Variants in P3H2 observed in about 807,000 individuals in gnomAD.
P3H2 encodes the protein leprecan-like 1.
In P3H2, 80 loss-of-function variants were observed where a neutral mutation model predicts 87.0. That is an observed-to-expected ratio of 0.92 (90% CI 0.77 to 1.11). The LOEUF is 1.11. Ranked by LOEUF, P3H2 falls within the 50% of genes least tolerant of loss-of-function variation. The pLI is 0.00. For missense variants in P3H2, 1,001 were observed against 923.9 expected, an observed-to-expected ratio of 1.08 and a Z score of -1.08; for synonymous variants, 367 against 359.3, an observed-to-expected ratio of 1.02 and a Z score of -0.24.
chr3:190,028,588 TG>T (rs1725155029), intron 1 of P3H2, among the ~76,000 whole-genome samples: 1 of 152,198 alleles, frequency 6.6e-6, no homozygotes, highest in Admixed American at 6.5e-5. Flanking sequence ...ACAAGTGCCA[TG>T]GTTTAATCTT....
rs1727249599 is a variant in P3H2, at chr3:190,087,315, T to C, written c.480+32937A>G. 2.0e-5 allele frequency among the ~76,000 whole-genome samples: 3 copies of C among 151,778 alleles called. No homozygotes were observed. In the South Asian group the frequency reaches 6.2e-4, roughly 32 times the overall value. On this transcript the variant is annotated intron_variant, in intron 1 of 14. Transcript: ENST00000319332. The stretch of plus-strand genomic sequence containing the variant: ...ACTTTGGGAGGCCGAGGAGGGCAAA[T>C]CACAAGGTCAGGAGATCGAGACCAT...
chr3:190,034,319 T>C (rs914950994), intron 1 of P3H2, among the ~76,000 whole-genome samples: 2 of 152,212 alleles, frequency 1.3e-5, no homozygotes, highest in South Asian at 2.1e-4. Flanking sequence ...GTGGTAGTAC[T>C]TTCTCTAGGC....
At chr3:190,067,185 T>C (rs1726540219) in intron 1 of P3H2, among the ~76,000 whole-genome samples, 1 of 151,954 alleles carries the variant, frequency 6.6e-6, no homozygotes, top group South Asian at 2.1e-4. Context: ...TTTTTGTAGA[T>C]GTCTCTACTA....
At chr3:190,111,303 C>T (rs574914131) in intron 1 of P3H2, among the ~76,000 whole-genome samples, 14 of 119,330 alleles carry the variant, frequency 1.2e-4, no homozygotes, top group Non-Finnish European at 2.0e-4. Context: ...GTGTTTTCAC[C>T]GGGGCCTTAC....
In P3H2 at chr3:189,967,778, C is replaced by T. The variant is rs151282267; in HGVS notation, c.1893+3038G>A. 7.9e-3 allele frequency among the ~76,000 whole-genome samples: 1,198 copies of T among 152,134 alleles called. 11 individuals are homozygous for T. Among genetic ancestry groups the T allele is most frequent in the Middle Eastern group, 0.027 (8 of 292 alleles). ...TATGAAGTCACATGAAATATTTTTT[C>T]TTAGTTATTACAATGTTTCTAGACA... On this transcript the variant is annotated intron_variant, in intron 13 of 14. Transcript: ENST00000319332.
chr3:190,120,589 T>C lies in P3H2; in HGVS notation c.143A>G (p.Tyr48Cys). ...GTAGTAGGCGGCCGCGCCGCTGGCG[T>C]AGAGCAGGTCGAAGGGCTGCAGAGG... is the stretch of plus-strand genomic sequence containing the variant. Reference protein sequence around the residue: ...PGPLQPFDLLYASGAAAYYSG... With the variant: ...PGPLQPFDLLCASGAAAYYSG... The change falls in exon 1 of 15, where the codon TAC becomes TGC. Residue 48 changes from tyrosine (Y) to cysteine (C), a missense_variant. By Grantham distance (194) the Tyr-to-Cys change is radical (BLOSUM62 -2). Transcript: ENST00000319332. 1 of 1,546,468 alleles carries C rather than the reference T, an allele frequency of 6.5e-7. No individual in the cohort carries two copies. The highest frequency in any genetic ancestry group is 1.2e-5 in the South Asian group (1 of 84,342).
intron 13 of P3H2, among the ~76,000 whole-genome samples, chr3:189,966,419 A>C (rs1723010033): frequency 6.6e-6 from 1 of 152,230 alleles, no homozygotes; most frequent in Non-Finnish European, 1.5e-5. Flanking sequence ...AACTTTGGGA[A>C]AGTTTAGGAA....
chr3:190,073,248 G>GT (rs997367873), intron 1 of P3H2, among the ~76,000 whole-genome samples: 1 of 152,154 alleles, frequency 6.6e-6, no homozygotes, highest in Non-Finnish European at 1.5e-5. Context: ...AAGATTACAA[G>GT]TAACTCCAGC....
chr3:189,979,241 C>G (rs538918038), intron 8 of P3H2, among the ~76,000 whole-genome samples: 2 of 149,762 alleles, frequency 1.3e-5, no homozygotes, highest in Admixed American at 1.4e-4. Flanking sequence ...CTGGGCAACA[C>G]AGTGAAACCC....
chr3:190,041,144 C>T (rs1299612556), intron 1 of P3H2, among the ~76,000 whole-genome samples: 1 of 141,314 alleles, frequency 7.1e-6, no homozygotes, highest in Non-Finnish European at 1.5e-5. Context: ...TGGTGGTGCA[C>T]ACCTGTAGCC....
At chr3:189,979,534 T>A in intron 8 of P3H2, among the ~76,000 whole-genome samples, 1 of 152,104 alleles carries the variant, frequency 6.6e-6, no homozygotes, top group East Asian at 1.9e-4. Context: ...AGTCACTAGA[T>A]CTTCATCACT....
At chr3:190,116,261 T>A (rs144985886) in intron 1 of P3H2, among the ~76,000 whole-genome samples, 169 of 152,330 alleles carry the variant, frequency 1.1e-3, no homozygotes, top group African/African-American at 3.9e-3. Context: ...AGGTCTACTA[T>A]TTTAACTAAT....
At position 189,973,508 on chromosome 3, in the gene P3H2, TTTC is replaced by T. The variant is rs1413379677; in HGVS notation, c.1548+398_1548+400del. ...CAAAACTTTTTTCTTTCTTTCTTTC[TTTC>T]TTTTTTTTTTTTTTTTTTTTTTTTT... On this transcript the variant is annotated intron_variant, in intron 10 of 14. Transcript: ENST00000319332. Among the ~76,000 whole-genome samples the T allele has an allele frequency of 2.3e-3, 55 of 23,614 alleles. 1 individual carries two copies. The highest frequency in any genetic ancestry group is 4.3e-3 in the African/African-American group (48 of 11,218). The allele number at this position is 23,614 out of a possible 152,430, so 15.5% of individuals were successfully genotyped here.
chr3:190,088,864 C>G (rs1375749449), intron 1 of P3H2, among the ~76,000 whole-genome samples: 1 of 152,110 alleles, frequency 6.6e-6, no homozygotes, highest in Non-Finnish European at 1.5e-5. Context: ...TCATAAATGA[C>G]CAAACTCCCT....
intron 14 of P3H2, among the ~76,000 whole-genome samples, chr3:189,960,543 C>T (rs1722780774): frequency 6.6e-6 from 1 of 152,104 alleles, no homozygotes; most frequent in African/African-American, 2.4e-5. Flanking sequence ...TTTCAAATGC[C>T]ATCTCCTCAA....
At chr3:190,067,260 A>G (rs957790496) in intron 1 of P3H2, among the ~76,000 whole-genome samples, 1 of 152,126 alleles carries the variant, frequency 6.6e-6, no homozygotes, top group Non-Finnish European at 1.5e-5. Context: ...AAGGCATTCA[A>G]GAAATATTTA....
chr3:189,989,970 G>A (rs1327579819), intron 3 of P3H2, among the ~76,000 whole-genome samples: 1 of 152,186 alleles, frequency 6.6e-6, no homozygotes, highest in Non-Finnish European at 1.5e-5. Flanking sequence ...CAGCAAGAAA[G>A]ATTCATTCAT....
chr3:190,070,635 A>C (rs145373576), intron 1 of P3H2, among the ~76,000 whole-genome samples: 18 of 152,280 alleles, frequency 1.2e-4, no homozygotes, highest in African/African-American at 3.9e-4. Flanking sequence ...CATTTTGACT[A>C]TCTATATGTA....
At chr3:189,967,284 T>G (rs1412086244) in intron 13 of P3H2, among the ~76,000 whole-genome samples, 2 of 151,654 alleles carry the variant, frequency 1.3e-5, no homozygotes, top group African/African-American at 4.9e-5. Context: ...GAGGTTAGAT[T>G]CTGGGTTTTT....
Sources: gnomAD v4.1 joint callset for allele counts (sites outside exome capture counted in the v4.1 genomes callset) on GRCh38, gnomAD v4.1.1 for gene constraint, MANE v1.5 for transcripts, NCBI Gene and HGNC (gene_info 2026-07-23, HGNC 2026-07-21) for gene names.